XIRP2: variants seen among roughly 807,000 people sequenced by gnomAD.
XIRP2 encodes xin actin-binding repeat-containing protein 2.
Under a neutral mutation model 277.0 loss-of-function variants are expected in XIRP2, and 236 were observed. The ratio of observed to expected loss-of-function variants is 0.85; its 90% CI spans 0.77 to 0.95. The LOEUF is 0.95. XIRP2 is among the 40% of genes least tolerant of loss of function. The probability of loss-of-function intolerance (pLI) is 0.00; values close to 1 mark genes in which losing one functional copy is unlikely to be tolerated. For synonymous variants in XIRP2, 1,490 were observed against 1,416.5 expected (o/e 1.05, Z -1.17); for missense variants, 4,640 against 4,157.5 (o/e 1.12, Z -3.19).
intron 2 of XIRP2, among the ~76,000 whole-genome samples, chr2:167,082,573 G>A (rs1574235610): frequency 6.6e-6 from 1 of 152,094 alleles, no homozygotes. Flanking sequence ...CAGTGTAAAA[G>A]TGTTCCTATT....
At chr2:167,172,891 G>T (rs1692736725) in intron 3 of XIRP2, among the ~76,000 whole-genome samples, 1 of 152,210 alleles carries the variant, frequency 6.6e-6, no homozygotes, top group Non-Finnish European at 1.5e-5. Flanking sequence ...AATCACAAGA[G>T]TATTGATTGG....
At chr2:166,947,771 G>A (rs146319593) in intron 2 of XIRP2, among the ~76,000 whole-genome samples, 3 of 152,212 alleles carry the variant, frequency 2.0e-5, no homozygotes, top group African/African-American at 4.8e-5. Flanking sequence ...ACCCAAAGAC[G>A]CTGAAAGCTT....
At chr2:167,108,330 T>C (rs1276657426) in intron 2 of XIRP2, among the ~76,000 whole-genome samples, 2 of 152,032 alleles carry the variant, frequency 1.3e-5, no homozygotes, top group Non-Finnish European at 2.9e-5. Flanking sequence ...TTTAATTTCT[T>C]AATGTCTTGT....
Position 167,244,057 on chromosome 2 carries a change from GA to G in XIRP2, c.2666del (p.Asp889AlafsTer5). 6.2e-7 allele frequency: 1 copy of G among 1,613,864 alleles called. No homozygotes were observed. The highest frequency in any genetic ancestry group is 8.5e-7 in the Non-Finnish European group (1 of 1,179,902). On this transcript the variant is annotated frameshift_variant, in exon 9 of 11. Coordinates refer to ENST00000409195, the MANE Select transcript of XIRP2 (RefSeq NM_152381.6). LOFTEE classifies it high-confidence loss of function. ...FETLPIEALK[D>X]SPDIGKLQKI... ...AACACTTCCAATTGAAGCATTAAAA[GA>G]CAGTCCTGATATAGGAAAGCTTCAA...
chr2:167,059,050 G>A (rs1206814362), intron 2 of XIRP2, among the ~76,000 whole-genome samples: 1 of 147,340 alleles, frequency 6.8e-6, no homozygotes, highest in Non-Finnish European at 1.5e-5. Flanking sequence ...GAAAATAATT[G>A]TGATTTTTAA....
chr2:167,161,413 A>G (rs7588037), intron 3 of XIRP2, among the ~76,000 whole-genome samples: 15,050 of 152,254 alleles, frequency 0.099, 797 homozygotes, highest in South Asian at 0.15. Context: ...CTGGACATCC[A>G]GTTGTTTCCA....
At chr2:167,233,640 C>T (rs1223563530) in intron 5 of XIRP2, among the ~76,000 whole-genome samples, 3 of 151,542 alleles carry the variant, frequency 2.0e-5, no homozygotes, top group Non-Finnish European at 3.0e-5. Flanking sequence ...TTCTGTTTCT[C>T]GATTTTGGTT....
chr2:167,005,385 CTTCTAGACAACACTGTAG>C (rs1012194227), intron 2 of XIRP2, among the ~76,000 whole-genome samples: 6 of 151,820 alleles, frequency 4.0e-5, no homozygotes, highest in African/African-American at 1.5e-4. Flanking sequence ...TGGAGGGAAC[CTTCTAGACAACACTGTAG>C]TTCAAGTCCA....
chr2:167,184,243 C>A (rs1249768674), intron 3 of XIRP2, among the ~76,000 whole-genome samples: 1 of 152,182 alleles, frequency 6.6e-6, no homozygotes, highest in Non-Finnish European at 1.5e-5. Context: ...TTTCTAAAGA[C>A]AAGCAGTTGT....
At chr2:167,199,713 G>A (rs918859975) in intron 3 of XIRP2, among the ~76,000 whole-genome samples, 5 of 152,162 alleles carry the variant, frequency 3.3e-5, no homozygotes, top group African/African-American at 1.2e-4. Context: ...GTCTCTCCAT[G>A]GCTGAGGGGT....
chr2:167,251,205 T>C lies in XIRP2; in HGVS notation c.9813T>C (p.Tyr3271=). Residue 3271 remains tyrosine (Y), a synonymous_variant, in exon 9 of 11, where the codon TAT becomes TAC. Coordinates refer to ENST00000409195, the MANE Select transcript of XIRP2 (RefSeq NM_152381.6). The part of the protein sequence containing the change: ...EIRKVEKRAT[Y]VHKDGLNSTD... ...GGAAAGTGGAGAAGAGAGCTACTTA[T>C]GTTCATAAAGATGGACTAAATTCCA... 6.2e-7 allele frequency: 1 copy of C among 1,613,548 alleles called. No homozygotes were observed.
rs762397538 is a variant in XIRP2, at chr2:167,248,877, C to A, written c.7485C>A (p.Asp2495Glu). 11 of 1,613,620 alleles carry A rather than the reference C, an allele frequency of 6.8e-6. No homozygotes were observed. Among genetic ancestry groups the A allele is most frequent in the Non-Finnish European group, 8.5e-6 (10 of 1,179,782 alleles). ...ATGAAAGAAAACAATTATCTATTGA[C>A]TCTGCAAACTGTCTCTCACACACAG... ...SLDERKQLSI[D>E]SANCLSHTVP... The change falls in exon 9 of 11, where the codon GAC becomes GAA. Residue 2495 changes from aspartate to glutamate, a missense_variant. Transcript: ENST00000409195.
At chr2:167,025,435 T>C (rs1386358041) in intron 2 of XIRP2, among the ~76,000 whole-genome samples, 1 of 152,138 alleles carries the variant, frequency 6.6e-6, no homozygotes, top group Non-Finnish European at 1.5e-5. Context: ...TTTGAAGGGT[T>C]TTTTGTGTCT....
At chr2:167,180,730 A>G (rs1274076335) in intron 3 of XIRP2, among the ~76,000 whole-genome samples, 2 of 152,080 alleles carry the variant, frequency 1.3e-5, no homozygotes, top group African/African-American at 4.8e-5. Flanking sequence ...GTCCCTTACC[A>G]TTGTTGAGCA....
chr2:167,091,362 C>A (rs1690142605), intron 2 of XIRP2, among the ~76,000 whole-genome samples: 1 of 152,110 alleles, frequency 6.6e-6, no homozygotes, highest in Admixed American at 6.5e-5. Context: ...GTCCCTTATG[C>A]ACTTATCCGT....
chr2:167,258,544 G>C lies in XIRP2; in HGVS notation c.*727G>C. 1 of 1,613,020 alleles carries C rather than the reference G, an allele frequency of 6.2e-7. No individual in the cohort carries two copies. The highest frequency in any genetic ancestry group is 8.5e-7 in the Non-Finnish European group (1 of 1,179,500). The stretch of plus-strand genomic sequence containing the variant: ...TTAATGACAACAATAATGTGATTGT[G>C]CAGAGTGCTGAAAAGGAGAAAAATG... On this transcript the variant is annotated 3_prime_UTR_variant, in exon 11 of 11. Coordinates refer to ENST00000409195, the MANE Select transcript of XIRP2 (RefSeq NM_152381.6).
At chr2:167,156,247 C>A (rs992230929) in intron 3 of XIRP2, among the ~76,000 whole-genome samples, 2 of 152,126 alleles carry the variant, frequency 1.3e-5, no homozygotes, top group Admixed American at 6.5e-5. Context: ...GAAAAAACTA[C>A]TTTAAAGTTC....
chr2:167,076,956 G>A (rs1035454784), intron 2 of XIRP2, among the ~76,000 whole-genome samples: 1 of 151,902 alleles, frequency 6.6e-6, no homozygotes, highest in Admixed American at 6.6e-5. Context: ...TCAGCCACCC[G>A]AATACCTCAG....
intron 5 of XIRP2, among the ~76,000 whole-genome samples, chr2:167,228,445 A>T (rs573880997): frequency 2.0e-5 from 3 of 152,302 alleles, no homozygotes; most frequent in East Asian, 3.9e-4. Context: ...TTCCCAATCC[A>T]CAATGTGAAG....
Sources: allele counts gnomAD v4.1 joint callset (sites outside exome capture counted in the v4.1 genomes callset), GRCh38; gene constraint gnomAD v4.1.1; transcripts MANE v1.5; gene names NCBI Gene and HGNC (gene_info 2026-07-23, HGNC 2026-07-21).